The following CNBD1 variants were observed in gnomAD, a reference collection of about 807,000 sequenced individuals.
The protein encoded by CNBD1 is cyclic nucleotide binding domain containing 1, also known as cyclic nucleotide-binding domain-containing protein 1.
CNBD1 carries 71 observed loss-of-function variants against 54.4 expected under a neutral mutation model. That is an observed-to-expected ratio of 1.30 (90% CI 1.08 to 1.59). CNBD1 has a LOEUF of 1.59. CNBD1 is among the 40% of genes most tolerant of loss of function. CNBD1 has a pLI of 0.00. For missense variants in CNBD1, 659 were observed against 518.0 expected (o/e 1.27, Z -2.64); for synonymous variants, 182 against 170.7 (o/e 1.07, Z -0.51).
At chr8:87,319,495 A>G (rs1387127690) in intron 8 of CNBD1, among the ~76,000 whole-genome samples, 4 of 152,106 alleles carry the variant, frequency 2.6e-5, no homozygotes, top group Non-Finnish European at 5.9e-5. Context: ...AATAACCTAT[A>G]TGAACTTTAT....
In CNBD1 at chr8:87,316,404, G is replaced by T. The variant is rs190495463; in HGVS notation, c.1042+29733G>T. On this transcript the variant is annotated intron_variant, in intron 8 of 10. Coordinates refer to ENST00000518476, the MANE Select transcript of CNBD1 (RefSeq NM_173538.3). ...GGCAAATTTTTGAAATTTTATTAATGTATGAAATTTTCCTAGAAGTTAGAA... is the reference window on the plus strand; with the variant it reads ...GGCAAATTTTTGAAATTTTATTAATTTATGAAATTTTCCTAGAAGTTAGAA... Among the ~76,000 whole-genome samples, 26 of 151,978 alleles carry T rather than the reference G, an allele frequency of 1.7e-4. No individual in the cohort carries two copies. The East Asian group carries it at 4.8e-3, about 28-fold the overall frequency.
intron 5 of CNBD1, among the ~76,000 whole-genome samples, chr8:87,232,987 A>G (rs1807478276): frequency 6.6e-6 from 1 of 152,166 alleles, no homozygotes; most frequent in African/African-American, 2.4e-5. Context: ...CATGTTTAAA[A>G]TTTCACTAAT....
At chr8:87,426,326 G>A (rs1182240650) in intron 2 of CNBD1, among the ~76,000 whole-genome samples, 1 of 152,150 alleles carries the variant, frequency 6.6e-6, no homozygotes, top group African/African-American at 2.4e-5. Flanking sequence ...TTCCTATTCG[G>A]CCATCTTGGC....
At chr8:87,253,502 T>C (rs2130841425) in intron 6 of CNBD1, among the ~76,000 whole-genome samples, 1 of 152,276 alleles carries the variant, frequency 6.6e-6, no homozygotes, top group Non-Finnish European at 1.5e-5. Flanking sequence ...GCCTGTGCCC[T>C]GCCCTTAGCC....
chr8:87,171,792 C>A (rs1813093529), intron 4 of CNBD1, among the ~76,000 whole-genome samples: 1 of 149,056 alleles, frequency 6.7e-6, no homozygotes, highest in South Asian at 2.2e-4. Context: ...TGCCCACCAC[C>A]ACGCCTGGCT....
At chr8:87,012,249 G>A (rs1290446239) in intron 4 of CNBD1, among the ~76,000 whole-genome samples, 4 of 152,100 alleles carry the variant, frequency 2.6e-5, no homozygotes, top group Non-Finnish European at 5.9e-5. Context: ...TTGTACTTGT[G>A]GTTGTTGATT....
At chr8:87,197,614 C>T (rs539113481) in intron 4 of CNBD1, among the ~76,000 whole-genome samples, 1 of 152,162 alleles carries the variant, frequency 6.6e-6, no homozygotes, top group Non-Finnish European at 1.5e-5. Context: ...TTCTTGGATA[C>T]TCATGTAGAA....
At chr8:86,978,569 T>G (rs1469790411) in intron 4 of CNBD1, among the ~76,000 whole-genome samples, 4 of 146,560 alleles carry the variant, frequency 2.7e-5, no homozygotes, top group African/African-American at 1.0e-4. Flanking sequence ...TGAGGCGAAG[T>G]TTCGCTCTTG....
chr8:87,145,077 C>T (rs138553716), intron 4 of CNBD1, among the ~76,000 whole-genome samples: 126 of 151,996 alleles, frequency 8.3e-4, no homozygotes, highest in African/African-American at 2.8e-3. Flanking sequence ...GATGATATTC[C>T]AGAAGTAACA....
In CNBD1 at chr8:87,098,149, G is replaced by C. The variant is rs922349477; in HGVS notation, c.432-107844G>C. On this transcript the variant is annotated intron_variant, in intron 4 of 10. Coordinates refer to ENST00000518476, the MANE Select transcript of CNBD1 (RefSeq NM_173538.3). ...AACTCATGAATATTTTACGTGGAAG[G>C]CATATGATGCTGGAAAGACTTGGGG... Among the ~76,000 whole-genome samples the C allele has an allele frequency of 2.0e-5, 3 of 152,140 alleles. No individual in the cohort carries two copies. The East Asian group carries it at 5.8e-4, about 29-fold the overall frequency.
chr8:87,225,166 A>G (rs1342662251), intron 5 of CNBD1, among the ~76,000 whole-genome samples: 6 of 149,796 alleles, frequency 4.0e-5, no homozygotes, highest in African/African-American at 1.2e-4. Flanking sequence ...GGTTTTCTAG[A>G]TATACAATCA....
chr8:87,426,251 A>C (rs1808048007), intron 2 of CNBD1, among the ~76,000 whole-genome samples: 1 of 152,208 alleles, frequency 6.6e-6, no homozygotes, highest in Admixed American at 6.5e-5. Flanking sequence ...CCGGTACCTC[A>C]GATGGAAATG....
chr8:86,963,457 CA>C (rs1195087544), intron 4 of CNBD1, among the ~76,000 whole-genome samples: 2 of 152,116 alleles, frequency 1.3e-5, no homozygotes, highest in Non-Finnish European at 2.9e-5. Flanking sequence ...AAAGGTGCCT[CA>C]GGGGGGTGTA....
intron 4 of CNBD1, among the ~76,000 whole-genome samples, chr8:87,031,014 T>C (rs948018412): frequency 6.9e-6 from 1 of 145,782 alleles, no homozygotes. Flanking sequence ...GGAAAAAAAA[T>C]TCTTCCAGAA....
chr8:87,187,978 G>T (rs542003499), intron 4 of CNBD1, among the ~76,000 whole-genome samples: 2 of 152,084 alleles, frequency 1.3e-5, no homozygotes, highest in Admixed American at 6.5e-5. Context: ...CTAGGATTTT[G>T]CCCTGCCTAT....
chr8:87,379,497 C>G (rs1386131588), intron 10 of CNBD1, among the ~76,000 whole-genome samples: 1 of 151,698 alleles, frequency 6.6e-6, no homozygotes, highest in Admixed American at 6.6e-5. Context: ...CTCTCCCCAG[C>G]AAATGTAAAA....
intron 10 of CNBD1, among the ~76,000 whole-genome samples, chr8:87,362,950 A>G (rs184961038): frequency 6.6e-6 from 1 of 152,000 alleles, no homozygotes; most frequent in African/African-American, 2.4e-5. Flanking sequence ...GGTTTGCTGT[A>G]CCCATCAACC....
rs543206517 is a variant in CNBD1 at position 87,199,484 on chromosome 8, A to G, written c.432-6509A>G. Among the ~76,000 whole-genome samples, 4 of 152,296 alleles carry G rather than the reference A, an allele frequency of 2.6e-5. No individual in the cohort carries two copies. In the East Asian group the frequency reaches 7.7e-4, roughly 29 times the overall value. ...CAAAATCTATGCTATGTACATATCC[A>G]TCACCTGCAATAGTTTCTTCTTATG... On this transcript the variant is annotated intron_variant, in intron 4 of 10. Transcript: ENST00000518476.
intron 4 of CNBD1, among the ~76,000 whole-genome samples, chr8:86,979,562 C>T (rs540190707): frequency 4.1e-4 from 62 of 151,946 alleles, no homozygotes; most frequent in African/African-American, 1.4e-3. Flanking sequence ...GCCTGGGTGG[C>T]AGAATAAGAC....
Sources: gnomAD v4.1 joint callset for allele counts (sites outside exome capture counted in the v4.1 genomes callset) on GRCh38, gnomAD v4.1.1 for gene constraint, MANE v1.5 for transcripts, NCBI Gene and HGNC (gene_info 2026-07-23, HGNC 2026-07-21) for gene names.